COL4A2: variants seen among roughly 807,000 people sequenced by gnomAD.
COL4A2 encodes collagen type IV alpha 2 chain.
Under a neutral mutation model 200.2 loss-of-function variants are expected in COL4A2, and 99 were observed. The ratio of observed to expected loss-of-function variants is 0.49; its 90% CI spans 0.42 to 0.58. The LOEUF (loss-of-function observed/expected upper bound fraction) is 0.58, where lower values mean the gene tolerates loss of function less well. Ranked by LOEUF, COL4A2 falls within the 20% of genes least tolerant of loss-of-function variation. The pLI, the probability that COL4A2 is intolerant of heterozygous loss-of-function variation, is 0.00. For synonymous variants in COL4A2, 897 were observed against 900.6 expected, an observed-to-expected ratio of 1.00 and a Z score of 0.07; for missense variants, 1,950 against 2,314.1, an observed-to-expected ratio of 0.84 and a Z score of 3.23.
At chr13:110,369,918 C>A (rs1319611724) in intron 4 of COL4A2, among the ~76,000 whole-genome samples, 1 of 152,112 alleles carries the variant, frequency 6.6e-6, no homozygotes, top group Non-Finnish European at 1.5e-5. Flanking sequence ...CTTTTCCATC[C>A]TAAAGTATTA....
intron 10 of COL4A2, among the ~76,000 whole-genome samples, chr13:110,431,612 T>C (rs1403708280): frequency 6.6e-6 from 1 of 152,154 alleles, no homozygotes; most frequent in Non-Finnish European, 1.5e-5. Context: ...ACGGCACACA[T>C]GCCACATGGT....
intron 29 of COL4A2, 61 bp downstream of exon 29, chr13:110,473,211 G>C: frequency 6.8e-7 from 1 of 1,475,220 alleles, no homozygotes; most frequent in Non-Finnish European, 9.2e-7. Flanking sequence ...CTCCAAGGGC[G>C]ACCCCAATCC....
At position 110,466,176 on chromosome 13, in the gene COL4A2, C is replaced by T. The variant is rs539668066; in HGVS notation, c.2038+114C>T. On this transcript the variant is annotated intron_variant, in intron 26 of 47. Coordinates refer to ENST00000360467, the MANE Select transcript of COL4A2 (RefSeq NM_001846.4). ...AAATATTAATAATATGTGCAAGCCA[C>T]GTTTGATTTCCATGGCACAACATAG... The T allele has an allele frequency of 5.6e-5, 70 of 1,251,628 alleles. 1 individual carries two copies. In the Middle Eastern group the frequency reaches 3.1e-3, roughly 56 times the overall value. 77.5% of individuals were successfully genotyped at this position (1,251,628 alleles called of 1,614,324 possible). A position where few individuals can be genotyped will look rare whatever the true frequency, so the allele number is the denominator to read the frequency against.
At chr13:110,309,029 C>G (rs1884898300) in intron 3 of COL4A2, among the ~76,000 whole-genome samples, 1 of 152,200 alleles carries the variant, frequency 6.6e-6, no homozygotes, top group Non-Finnish European at 1.5e-5. Context: ...AGGTGGATTC[C>G]TCCTGGGAAC....
At chr13:110,326,488 A>C (rs923962742) in intron 3 of COL4A2, among the ~76,000 whole-genome samples, 4 of 152,096 alleles carry the variant, frequency 2.6e-5, no homozygotes, top group Non-Finnish European at 5.9e-5. Flanking sequence ...AAAGTGTTTC[A>C]ATACAGAGAT....
rs960762869 is a variant in COL4A2, at chr13:110,503,113, G to A, written c.3878-8G>A. On this transcript the variant is annotated splice_polypyrimidine_tract_variant and splice_region_variant and intron_variant, in intron 41 of 47. Transcript: ENST00000360467. The stretch of plus-strand genomic sequence containing the variant: ...TAAACCCTCCTTTCTTGTCCCTAAT[G>A]CCAACAGGTTATCGGGGCCCACCAG... 3.7e-6 allele frequency: 6 copies of A among 1,612,962 alleles called. No homozygotes were observed. The highest frequency in any genetic ancestry group is 5.1e-6 in the Non-Finnish European group (6 of 1,179,744).
chr13:110,311,988 G>A (rs183330636), intron 3 of COL4A2, among the ~76,000 whole-genome samples: 8 of 152,350 alleles, frequency 5.3e-5, no homozygotes, highest in Middle Eastern at 3.4e-3. Flanking sequence ...AGTCCTTTCC[G>A]CAGGCTTTGG....
In COL4A2 at chr13:110,438,033, T is replaced by C. The variant is rs774242622; in HGVS notation, c.857T>C (p.Ile286Thr). 6.2e-7 allele frequency: 1 copy of C among 1,613,410 alleles called. No homozygotes were observed. The highest frequency in any genetic ancestry group is 1.1e-5 in the South Asian group (1 of 91,054). Residue 286 changes from isoleucine (I) to threonine (T), a missense_variant, in exon 14 of 48, where the codon ATA becomes ACA. This residue lies in a region of COL4A2 where 565 missense variants were observed against 593.5 expected (regional missense o/e 0.95). Coordinates refer to ENST00000360467, the MANE Select transcript of COL4A2 (RefSeq NM_001846.4). ...GEKGSEGEPG[I>T]RGISLKGEEG... ...AAAGGCAGTGAGGGGGAACCAGGAA[T>C]AAGAGTAAGTCGAGTAATGAGCATG...
chr13:110,348,421 CT>C (rs1367448286), intron 3 of COL4A2, among the ~76,000 whole-genome samples: 2 of 152,230 alleles, frequency 1.3e-5, no homozygotes. Context: ...GTGACCTGCA[CT>C]TCCTCTTCCA....
At chr13:110,486,775 G>C (rs994366549) in intron 34 of COL4A2, among the ~76,000 whole-genome samples, 1 of 152,112 alleles carries the variant, frequency 6.6e-6, no homozygotes, top group Non-Finnish European at 1.5e-5. Context: ...TTCTCTGGCG[G>C]GCAGGAGTGG....
intron 4 of COL4A2, among the ~76,000 whole-genome samples, chr13:110,371,268 A>G (rs1016347842): frequency 2.0e-5 from 3 of 152,244 alleles, no homozygotes; most frequent in African/African-American, 4.8e-5. Flanking sequence ...TATTCCTACA[A>G]TTAAGATACT....
chr13:110,364,396 C>T (rs1332250567), intron 4 of COL4A2, among the ~76,000 whole-genome samples: 2 of 152,156 alleles, frequency 1.3e-5, no homozygotes, highest in Non-Finnish European at 2.9e-5. Flanking sequence ...CTATCAAATC[C>T]TCAATGGTGT....
chr13:110,418,377 CT>C (rs1374647137), intron 4 of COL4A2, among the ~76,000 whole-genome samples: 1 of 150,312 alleles, frequency 6.7e-6, no homozygotes, highest in East Asian at 1.9e-4. Context: ...ATCTAGCTAA[CT>C]TTTTCTTTTA....
rs80259991 is a variant in COL4A2 at position 110,478,941 on chromosome 13, C to T, written c.2587+777C>T. Among the ~76,000 whole-genome samples the T allele has an allele frequency of 7.7e-3, 1,172 of 152,340 alleles. 14 individuals are homozygous for T. The highest frequency in any genetic ancestry group is 0.027 in the African/African-American group (1,121 of 41,578). ...TGCCACAGTCAGGCAACAGCTTTGT[C>T]CAGGACCTTAGCAGATCTTGGTAGG... On this transcript the variant is annotated intron_variant, in intron 30 of 47. Coordinates refer to ENST00000360467, the MANE Select transcript of COL4A2 (RefSeq NM_001846.4).
intron 45 of COL4A2, among the ~76,000 whole-genome samples, chr13:110,504,607 CTT>C (rs890459106): frequency 6.6e-6 from 1 of 152,050 alleles, no homozygotes; most frequent in African/African-American, 2.4e-5. Flanking sequence ...CCCTGTCTTA[CTT>C]TTTTTTCTTT....
rs1325156655 is a variant in COL4A2 at position 110,482,647 on chromosome 13, C to T, written c.2890C>T (p.Pro964Ser). 1.2e-6 allele frequency: 2 copies of T among 1,613,906 alleles called. No homozygotes were observed. Among genetic ancestry groups the T allele is most frequent in the Non-Finnish European group, 1.7e-6 (2 of 1,179,936 alleles). ...CGGTCTGAAGGGTCTGGCTGGTGAG[C>T]CAGGTTTTAAAGGTATGTCCCTCTC... ...IPGLKGLAGEPGFKGSRGDPG... is the reference protein window; with the variant it reads ...IPGLKGLAGESGFKGSRGDPG... The change falls in exon 32 of 48, where the codon CCA becomes TCA. Residue 964 changes from proline (P) to serine (S), a missense_variant. Coordinates refer to ENST00000360467, the MANE Select transcript of COL4A2 (RefSeq NM_001846.4).
At chr13:110,478,743 G>A (rs1308990530) in intron 30 of COL4A2, among the ~76,000 whole-genome samples, 5 of 152,270 alleles carry the variant, frequency 3.3e-5, no homozygotes, top group Non-Finnish European at 7.3e-5. Flanking sequence ...GTCAGTGCTG[G>A]TTGGAGGAAT....
At chr13:110,388,975 C>T (rs1386863391) in intron 4 of COL4A2, among the ~76,000 whole-genome samples, 3 of 152,194 alleles carry the variant, frequency 2.0e-5, no homozygotes, top group Admixed American at 6.5e-5. Flanking sequence ...TGGCTGTGGC[C>T]CTGCGATCTC....
At chr13:110,505,131 A>C (rs1271182617) in intron 45 of COL4A2, among the ~76,000 whole-genome samples, 14 of 151,576 alleles carry the variant, frequency 9.2e-5, no homozygotes, top group Admixed American at 2.0e-4. Context: ...TGGGCGGATC[A>C]CAAGGGCAGG....
Sources: allele counts gnomAD v4.1 joint callset (sites outside exome capture counted in the v4.1 genomes callset), GRCh38; gene constraint gnomAD v4.1.1; regional missense constraint gnomAD v4.1.1; transcripts MANE v1.5; gene names NCBI Gene and HGNC (gene_info 2026-07-23, HGNC 2026-07-21).